Variants in XPOT observed in about 807,000 individuals in gnomAD.
XPOT encodes the protein exportin for tRNA, also known as exportin-T.
XPOT carries 34 observed loss-of-function variants against 128.2 expected under a neutral mutation model. The ratio of observed to expected loss-of-function variants is 0.27; its 90% CI spans 0.20 to 0.35. The LOEUF (loss-of-function observed/expected upper bound fraction) is 0.35, where lower values mean the gene tolerates loss of function less well. Among genes scored for constraint, XPOT ranks in the 10% least tolerant of loss-of-function variants. XPOT has a pLI of 1.00. For synonymous variants in XPOT, 348 were observed against 394.3 expected, an observed-to-expected ratio of 0.88 and a Z score of 1.39; for missense variants, 838 against 1,125.3, an observed-to-expected ratio of 0.74 and a Z score of 3.65.
chr12:64,428,139 AAGATATTTTACCC>A lies in XPOT; in HGVS notation c.1737+23_1737+35del, dbSNP rs2136026651. On this transcript the variant is annotated intron_variant, in intron 16 of 24. Coordinates refer to ENST00000332707, the MANE Select transcript of XPOT (RefSeq NM_007235.6). ...TCCACCTGTAAGTATCTGTCTCTTT[AAGATATTTTACCC>A]AGAATTCATTGAAGCCACACGTGCC... 6.7e-7 allele frequency: 1 copy of A among 1,491,874 alleles called. No individual in the cohort carries two copies. The highest frequency in any genetic ancestry group is 2.3e-5 in the East Asian group (1 of 44,158). The allele number at this position is 1,491,874 out of a possible 1,614,324, so 92.4% of individuals were successfully genotyped here. A position where few individuals can be genotyped will look rare whatever the true frequency, so the allele number is the denominator to read the frequency against.
At chr12:64,439,149 A>G (rs1409443412) in intron 22 of XPOT, 95 bp from the exon 23 acceptor site, 3 of 1,174,682 alleles carry the variant, frequency 2.6e-6, no homozygotes, top group Middle Eastern at 1.9e-4. Flanking sequence ...GCACAATACT[A>G]TATTGCCTTT....
intron 3 of XPOT, 107 bp downstream of exon 3, chr12:64,415,096 T>C (rs1433957034): frequency 5.1e-6 from 1 of 197,974 alleles, no homozygotes. Context: ...ATTTTATGAC[T>C]TTTTTTTTTT....
intron 8 of XPOT, 102 bp downstream of exon 8, chr12:64,420,623 T>C: frequency 2.2e-6 from 2 of 892,438 alleles, no homozygotes; most frequent in Non-Finnish European, 3.4e-6. Flanking sequence ...CTAAATGTTA[T>C]AAACTCCCCT....
chr12:64,433,390 G>A, intron 18 of XPOT, 24 bp from the exon 19 acceptor site: 2 of 1,503,440 alleles, frequency 1.3e-6, no homozygotes, highest in Non-Finnish European at 1.8e-6. Flanking sequence ...ACTAATTTCT[G>A]AAGTAATGAT....
chr12:64,432,796 A>G (rs2040250361), intron 18 of XPOT, among the ~76,000 whole-genome samples: 2 of 152,238 alleles, frequency 1.3e-5, no homozygotes, highest in African/African-American at 4.8e-5. Context: ...GTTTAATCAT[A>G]TAATTCATTT....
intron 22 of XPOT, among the ~76,000 whole-genome samples, chr12:64,438,039 T>G (rs2040296642): frequency 6.6e-6 from 1 of 152,078 alleles, no homozygotes; most frequent in African/African-American, 2.4e-5. Flanking sequence ...TTATGAAAGA[T>G]AAGAGAAGAC....
intron 22 of XPOT, 133 bp downstream of exon 22, chr12:64,435,807 A>C (rs2040277587): frequency 2.6e-6 from 2 of 777,550 alleles, no homozygotes; most frequent in African/African-American, 3.6e-5. Flanking sequence ...GGGATGAATG[A>C]AAGTAGCAGT....
At chr12:64,410,318 A>G (rs548931083) in intron 2 of XPOT, among the ~76,000 whole-genome samples, 1 of 152,362 alleles carries the variant, frequency 6.6e-6, no homozygotes, top group Non-Finnish European at 1.5e-5. Context: ...ATATGATTCA[A>G]GGCAGATCTT....
chr12:64,412,533 T>C (rs992361956), intron 2 of XPOT, among the ~76,000 whole-genome samples: 1 of 152,198 alleles, frequency 6.6e-6, no homozygotes, highest in Admixed American at 6.5e-5. Flanking sequence ...CTATGTTTCA[T>C]GGACTGCTGT....
chr12:64,442,081 G>C (rs988439629), intron 23 of XPOT, among the ~76,000 whole-genome samples: 3 of 149,944 alleles, frequency 2.0e-5, no homozygotes, highest in Non-Finnish European at 4.4e-5. Context: ...GTGTAAAGTG[G>C]GGGGGGGACC....
intron 17 of XPOT, among the ~76,000 whole-genome samples, chr12:64,431,057 GC>G (rs2040235087): frequency 6.6e-6 from 1 of 152,034 alleles, no homozygotes; most frequent in Admixed American, 6.6e-5. Flanking sequence ...CAATTCTTGT[GC>G]CTCAGCCTCC....
chr12:64,439,171 G>A (rs931967256), intron 22 of XPOT, 73 bp from the exon 23 acceptor site: 2 of 1,397,704 alleles, frequency 1.4e-6, no homozygotes, highest in African/African-American at 2.8e-5. Flanking sequence ...AAGTGTACAT[G>A]TATTGTTCCG....
rs964448958 is a variant in XPOT at position 64,404,758 on chromosome 12, G to T, written c.-121G>T. ...GCCGCGCCGCTCCGCTCCGCTGGCT[G>T]ACCATCTGGAGTGCAGGCTGGGAGG... On this transcript the variant is annotated 5_prime_UTR_variant, in exon 1 of 25. Coordinates refer to ENST00000332707, the MANE Select transcript of XPOT (RefSeq NM_007235.6). 1 of 152,376 alleles carries T rather than the reference G, an allele frequency of 6.6e-6. No homozygotes were observed. Among genetic ancestry groups the T allele is most frequent in the Admixed American group, 6.5e-5 (1 of 15,290 alleles). 9.4% of individuals were successfully genotyped at this position (152,376 alleles called of 1,614,324 possible).
chr12:64,434,013 T>TTTTAA (rs1329944025), intron 19 of XPOT, among the ~76,000 whole-genome samples: 1 of 152,160 alleles, frequency 6.6e-6, no homozygotes, highest in African/African-American at 2.4e-5. Context: ...TTGTTTTATT[T>TTTTAA]TTTAATTTGA....
intron 13 of XPOT, 50 bp from the exon 14 acceptor site, chr12:64,425,288 T>C (rs2040180835): frequency 6.2e-7 from 1 of 1,610,046 alleles, no homozygotes; most frequent in Non-Finnish European, 8.5e-7. Flanking sequence ...CCGGGGCATT[T>C]TGATGTTGCA....
Position 64,420,171 on chromosome 12 carries a change from T to A in XPOT, c.591T>A (p.Thr197=). 6.2e-7 allele frequency: 1 copy of A among 1,613,302 alleles called. No individual in the cohort carries two copies. The highest frequency in any genetic ancestry group is 8.5e-7 in the Non-Finnish European group (1 of 1,179,644). The change falls in exon 7 of 25, where the codon ACT becomes ACA. Residue 197 remains threonine (T), a synonymous_variant. Coordinates refer to ENST00000332707, the MANE Select transcript of XPOT (RefSeq NM_007235.6). ...WYQILQNYQF[T]NSEVTCQCLE... is the part of the protein sequence containing the mutation. ...AAATATTACAAAATTATCAGTTTAC[T>A]AATTCTGAAGTGACGTGTCAGTGCC...
At position 64,425,639 on chromosome 12, in the gene XPOT, A is replaced by C. The variant is rs187436672; in HGVS notation, c.1573-176A>C. 64 of 982,242 alleles carry C rather than the reference A, an allele frequency of 6.5e-5. No individual in the cohort carries two copies. The African/African-American group carries it at 9.5e-4, about 15-fold the overall frequency. 60.8% of individuals were successfully genotyped at this position (982,242 alleles called of 1,614,324 possible). ...TGGATAGTTTGTGCCCAATTAGTCA[A>C]CTAAAACAAGTTCTCAAGGGACTGT... On this transcript the variant is annotated intron_variant, in intron 14 of 24. Transcript: ENST00000332707.
chr12:64,425,778 A>G (rs1411863611), intron 14 of XPOT, 37 bp from the exon 15 acceptor site: 1 of 1,597,512 alleles, frequency 6.3e-7, no homozygotes, highest in Non-Finnish European at 8.6e-7. Flanking sequence ...AAACCCTTGA[A>G]AAAATGCAGA....
rs1365269586 is a variant in XPOT, at chr12:64,448,026, C to CA, written c.2863-78dup. 5.5e-6 allele frequency: 7 copies of CA among 1,282,318 alleles called. No individual in the cohort carries two copies. In the African/African-American group the frequency reaches 8.8e-5, roughly 16 times the overall value. 79.4% of individuals were successfully genotyped at this position (1,282,318 alleles called of 1,614,324 possible). On this transcript the variant is annotated intron_variant, in intron 24 of 24. Coordinates refer to ENST00000332707, the MANE Select transcript of XPOT (RefSeq NM_007235.6). ...GTTACAGAAGAACATTGCTAGCACT[C>CA]AGATACTTGGAGCCATTCTTCAGGT... is the stretch of plus-strand genomic sequence containing the variant.
Sources: gnomAD v4.1 joint callset for allele counts (sites outside exome capture counted in the v4.1 genomes callset) on GRCh38, gnomAD v4.1.1 for gene constraint, MANE v1.5 for transcripts, NCBI Gene and HGNC (gene_info 2026-07-23, HGNC 2026-07-21) for gene names.